Variants in PPP2R2D observed in about 807,000 individuals in gnomAD.
The protein encoded by PPP2R2D is serine/threonine-protein phosphatase 2A 55 kDa regulatory subunit B delta isoform.
In PPP2R2D, 9 loss-of-function variants were observed where a neutral mutation model predicts 31.1. The ratio of observed to expected loss-of-function variants is 0.29; its 90% CI spans 0.17 to 0.51. The LOEUF is 0.51. PPP2R2D is among the 20% of genes least tolerant of loss of function. The pLI is 0.98. For missense variants in PPP2R2D, 391 were observed against 465.6 expected, an observed-to-expected ratio of 0.84 and a Z score of 1.48; for synonymous variants, 179 against 172.6, an observed-to-expected ratio of 1.04 and a Z score of -0.29.
intron 8 of PPP2R2D, among the ~76,000 whole-genome samples, chr10:131,953,882 T>C (rs1554899492): frequency 1.3e-5 from 2 of 152,186 alleles, no homozygotes; most frequent in African/African-American, 4.8e-5. Context: ...TTAGATTACA[T>C]ATCCCCAAGA....
chr10:131,924,189 T>G (rs969826566), intron 2 of PPP2R2D, among the ~76,000 whole-genome samples: 5 of 152,188 alleles, frequency 3.3e-5, no homozygotes, highest in African/African-American at 1.2e-4. Context: ...CCTTATTTTT[T>G]TCTTTCAGAA....
At chr10:131,927,831 C>T (rs1303786584) in intron 2 of PPP2R2D, among the ~76,000 whole-genome samples, 4 of 152,194 alleles carry the variant, frequency 2.6e-5, no homozygotes. Context: ...GAATATGCCA[C>T]AGTTTATGCA....
chr10:131,916,645 T>C, intron 2 of PPP2R2D, among the ~76,000 whole-genome samples: 1 of 152,058 alleles, frequency 6.6e-6, no homozygotes, highest in East Asian at 1.9e-4. Flanking sequence ...TGTAGGGACC[T>C]CAGGCGGGTG....
chr10:131,959,825 T>G lies in PPP2R2D; in HGVS notation c.*3862T>G, dbSNP rs555661876. The G allele has an allele frequency of 2.6e-5, 4 of 152,194 alleles. No individual in the cohort carries two copies. Among genetic ancestry groups the G allele is most frequent in the African/African-American group, 9.7e-5 (4 of 41,440 alleles). 9.4% of individuals were successfully genotyped at this position (152,194 alleles called of 1,614,324 possible). ...CAAAAAGTTCAATAAATTTTAAATG[T>G]TTAACTGGATTTTCACTGCGTATTT... is the stretch of plus-strand genomic sequence containing the variant. On this transcript the variant is annotated 3_prime_UTR_variant, in exon 9 of 9. Coordinates refer to ENST00000455566, the MANE Select transcript of PPP2R2D (RefSeq NM_018461.5).
chr10:131,902,287 A>G (rs1376616033), intron 2 of PPP2R2D, among the ~76,000 whole-genome samples: 2 of 152,220 alleles, frequency 1.3e-5, no homozygotes, highest in East Asian at 3.8e-4. Context: ...TGTTTGCACC[A>G]AATACACCTT....
chr10:131,938,208 C>T (rs1473681535), intron 3 of PPP2R2D, among the ~76,000 whole-genome samples: 2 of 152,256 alleles, frequency 1.3e-5, no homozygotes, highest in African/African-American at 2.4e-5. Context: ...TCTCCTGATA[C>T]TTGATCAGAT....
intron 3 of PPP2R2D, among the ~76,000 whole-genome samples, chr10:131,938,709 C>T (rs2036387830): frequency 6.6e-6 from 1 of 152,260 alleles, no homozygotes; most frequent in Non-Finnish European, 1.5e-5. Context: ...TTCACTTGTG[C>T]AGCACTGTGC....
intron 2 of PPP2R2D, among the ~76,000 whole-genome samples, chr10:131,915,656 C>A (rs2035766057): frequency 6.6e-6 from 1 of 152,190 alleles, no homozygotes; most frequent in Non-Finnish European, 1.5e-5. Flanking sequence ...TTTTATCAGA[C>A]AGAGGCCGAT....
intron 2 of PPP2R2D, among the ~76,000 whole-genome samples, chr10:131,925,654 C>G (rs1201217082): frequency 6.6e-6 from 1 of 152,084 alleles, no homozygotes; most frequent in African/African-American, 2.4e-5. Flanking sequence ...CACATTTTAT[C>G]CAGTCTAGTC....
chr10:131,954,452 C>T (rs2036753755), intron 8 of PPP2R2D, among the ~76,000 whole-genome samples: 2 of 152,248 alleles, frequency 1.3e-5, no homozygotes, highest in South Asian at 2.1e-4. Context: ...ATGGCCCTCA[C>T]GTGCCAACTT....
At chr10:131,970,617 TCA>T in the PPP2R2D span, 1 of 1,611,186 alleles carries the variant, frequency 6.2e-7, no homozygotes, top group Non-Finnish European at 8.5e-7. This position sits in a 1 kb window ranked among gnomAD's most constrained non-coding sequence, Gnocchi z 4.1. Context: ...ATGACAGGAG[TCA>T]CACAGTCACA....
chr10:131,917,838 GAC>G (rs1345429873), intron 2 of PPP2R2D, among the ~76,000 whole-genome samples: 5 of 122,592 alleles, frequency 4.1e-5, no homozygotes, highest in Non-Finnish European at 3.5e-5. Flanking sequence ...CGGGTGGAAT[GAC>G]ACAGTGTTTG....
chr10:131,908,954 C>T (rs2035641216), intron 2 of PPP2R2D, among the ~76,000 whole-genome samples: 1 of 152,190 alleles, frequency 6.6e-6, no homozygotes, highest in Non-Finnish European at 1.5e-5. Context: ...GCAGTTCTTG[C>T]CTTCAGGAAA....
rs370701363 is a variant in PPP2R2D at position 131,916,330 on chromosome 10, A to T, written c.100+15000A>T. 7.7e-5 allele frequency among the ~76,000 whole-genome samples: 11 copies of T among 143,558 alleles called. No homozygotes were observed. The East Asian group carries it at 8.2e-4, about 11-fold the overall frequency. 94.2% of individuals were successfully genotyped at this position (143,558 alleles called of 152,430 possible). A position where few individuals can be genotyped will look rare whatever the true frequency, so the allele number is the denominator to read the frequency against. On this transcript the variant is annotated intron_variant, in intron 2 of 8. Transcript: ENST00000455566. ...GACACCCAGGTTGGCATAGATTGGG[A>T]TTTTTTTTTTTTTTTTGAGGTCTAG...
intron 2 of PPP2R2D, among the ~76,000 whole-genome samples, chr10:131,934,040 A>G (rs1377926701): frequency 6.6e-6 from 1 of 152,202 alleles, no homozygotes; most frequent in Non-Finnish European, 1.5e-5. Context: ...TTTTATTACT[A>G]TTATATAAGA....
chr10:131,909,382 A>G (rs890110654), intron 2 of PPP2R2D, among the ~76,000 whole-genome samples: 6 of 152,004 alleles, frequency 3.9e-5, no homozygotes, highest in Non-Finnish European at 7.4e-5. Context: ...TGGAGAGTGG[A>G]TGGTGGTGGG....
At chr10:131,920,546 CAT>C (rs1264705310) in intron 2 of PPP2R2D, among the ~76,000 whole-genome samples, 2 of 152,260 alleles carry the variant, frequency 1.3e-5, no homozygotes, top group African/African-American at 4.8e-5. Flanking sequence ...CATATTGTAG[CAT>C]ATGTCAGAAT....
Position 131,947,391 on chromosome 10 carries a change from CAGAA to C in PPP2R2D, c.821-135_821-132del. 1 of 853,038 alleles carries C rather than the reference CAGAA, an allele frequency of 1.2e-6. No individual in the cohort carries two copies. Among genetic ancestry groups the C allele is most frequent in the South Asian group, 1.8e-5 (1 of 54,362 alleles). The allele number at this position is 853,038 out of a possible 1,614,324, so 52.8% of individuals were successfully genotyped here. On this transcript the variant is annotated intron_variant, in intron 7 of 8. Transcript: ENST00000455566. This position sits in a 1 kb window ranked among gnomAD's most constrained non-coding sequence, Gnocchi z 4.3. ...CAGAAGATCAGAAAACCTAGAGAAT[CAGAA>C]AGATCAGAAGACCTAGTGTTGAGGC... is the stretch of plus-strand genomic sequence containing the variant.
chr10:131,966,276 TG>T, the PPP2R2D span, among the ~76,000 whole-genome samples: 1 of 152,272 alleles, frequency 6.6e-6, no homozygotes, highest in African/African-American at 2.4e-5. Context: ...AAGTGGCCAA[TG>T]TTTTTATATC....
Sources: allele counts gnomAD v4.1 joint callset (sites outside exome capture counted in the v4.1 genomes callset), GRCh38; gene constraint gnomAD v4.1.1; non-coding constraint Gnocchi (gnomAD v3.1); transcripts MANE v1.5; gene names NCBI Gene and HGNC (gene_info 2026-07-23, HGNC 2026-07-21).